DSC3: variants seen among roughly 807,000 people sequenced by gnomAD.
The protein encoded by DSC3 is desmocollin 3.
DSC3 carries 97 observed loss-of-function variants against 89.5 expected under a neutral mutation model. The observed-to-expected ratio is 1.08, with a 90% CI of 0.92 to 1.28. The LOEUF is 1.28. Ranked by LOEUF, DSC3 falls within the 50% of genes most tolerant of loss-of-function variation. The pLI is 0.00. For synonymous variants in DSC3, 436 were observed against 384.1 expected, an observed-to-expected ratio of 1.14 and a Z score of -1.58; for missense variants, 1,199 against 1,085.3, an observed-to-expected ratio of 1.10 and a Z score of -1.47.
At chr18:31,011,773 G>C (rs1598537389) in intron 9 of DSC3, among the ~76,000 whole-genome samples, 2 of 151,694 alleles carry the variant, frequency 1.3e-5, no homozygotes, top group Admixed American at 1.3e-4. Flanking sequence ...CGGGCGGATT[G>C]CCTGAGCTCA....
chr18:31,013,964 T>C (rs796780257), intron 9 of DSC3, among the ~76,000 whole-genome samples: 1 of 152,146 alleles, frequency 6.6e-6, no homozygotes, highest in African/African-American at 2.4e-5. Flanking sequence ...AAATTAGAAT[T>C]TCCATTGATA....
At chr18:31,007,875 T>G in intron 11 of DSC3, 141 bp downstream of exon 11, 2 of 802,700 alleles carry the variant, frequency 2.5e-6, no homozygotes, top group South Asian at 3.7e-5. Context: ...CCTTGTTAGA[T>G]AATTAAGAGA....
chr18:31,011,432 A>G (rs980143801), intron 9 of DSC3, among the ~76,000 whole-genome samples: 2 of 151,956 alleles, frequency 1.3e-5, no homozygotes, highest in African/African-American at 4.8e-5. Flanking sequence ...GGTTTGGCCT[A>G]CTGATTACTT....
intron 15 of DSC3, 27 bp downstream of exon 15, chr18:30,996,764 A>C (rs1325902290): frequency 1.2e-6 from 2 of 1,610,800 alleles, no homozygotes; most frequent in African/African-American, 2.7e-5. Context: ...TTTAAATTTT[A>C]GACTCAAAAC....
intron 11 of DSC3, 106 bp from the exon 12 acceptor site, chr18:31,007,237 C>A (rs1567952188): frequency 2.7e-6 from 2 of 752,942 alleles, no homozygotes; most frequent in African/African-American, 1.8e-5. Context: ...TTTAAATAAA[C>A]TGATTATTAA....
At chr18:30,995,159 C>A (rs540356567) in intron 15 of DSC3, among the ~76,000 whole-genome samples, 2 of 152,176 alleles carry the variant, frequency 1.3e-5, no homozygotes, top group Non-Finnish European at 2.9e-5. Flanking sequence ...ACTGCCATGT[C>A]TCCTCCCTTT....
At chr18:31,031,208 C>T in intron 2 of DSC3, 36 bp from the exon 3 acceptor site, 1 of 1,433,452 alleles carries the variant, frequency 7.0e-7, no homozygotes, top group Non-Finnish European at 9.6e-7. Context: ...AAGGTAAAAA[C>T]ACATGAGAAA....
intron 1 of DSC3, among the ~76,000 whole-genome samples, chr18:31,039,321 T>C (rs189913972): frequency 2.0e-5 from 3 of 152,290 alleles, no homozygotes; most frequent in Admixed American, 2.0e-4. Context: ...TTCACTTTCA[T>C]GCTGTTGTTT....
At chr18:30,997,967 G>A (rs1368809469) in intron 14 of DSC3, among the ~76,000 whole-genome samples, 1 of 152,136 alleles carries the variant, frequency 6.6e-6, no homozygotes, top group East Asian at 1.9e-4. Context: ...GTTGGGGGGA[G>A]TTAGAAAGGT....
intron 5 of DSC3, among the ~76,000 whole-genome samples, 197 bp downstream of exon 5, chr18:31,025,563 C>T (rs1423164462): frequency 6.6e-6 from 1 of 152,110 alleles, no homozygotes; most frequent in African/African-American, 2.4e-5. Flanking sequence ...CTCTTTGCTT[C>T]ATTTCAGGCT....
Position 31,032,276 on chromosome 18 carries a change from T to C in DSC3, c.70A>G (p.Ile24Val), listed in dbSNP as rs1305317964. Reference sequence around the variant, plus strand: ...CAGGCTTCACCAGCACGACTGAAGATCTAGAATTTAAAAGGTCACATTAAT... The same window carrying C: ...CAGGCTTCACCAGCACGACTGAAGACCTAGAATTTAAAAGGTCACATTAAT... ...VCLHLLLTLVIFSRAGEACKK... is the reference protein window; with the variant it reads ...VCLHLLLTLVVFSRAGEACKK... Residue 24 changes from isoleucine to valine, a missense_variant and splice_region_variant, in exon 2 of 16, where the codon ATC (isoleucine) becomes GTC (valine). Physicochemically the swap from Ile to Val is conservative, Grantham distance 29. Transcript: ENST00000360428. 6.2e-7 allele frequency: 1 copy of C among 1,608,998 alleles called. No individual in the cohort carries two copies. The highest frequency in any genetic ancestry group is 1.7e-5 in the Admixed American group (1 of 60,000).
Position 31,031,036 on chromosome 18 carries a change from C to T in DSC3, c.291G>A (p.Trp97Ter), listed in dbSNP as rs547290058. The change falls in exon 3 of 16, where the codon TGG becomes TGA. Residue 97 changes from tryptophan (W) to a stop codon, truncating the protein, a stop_gained. Coordinates refer to ENST00000360428, the MANE Select transcript of DSC3 (RefSeq NM_001941.5). LOFTEE classifies it high-confidence loss of function. ...LSDKKRSFTI[W>*]LSDKRKQTQK... The stretch of plus-strand genomic sequence containing the variant: ...GTGTCTGTTTCCTTTTGTCAGAAAG[C>T]CATATGGTAAATGATCTTTTCTTAT... The T allele has an allele frequency of 6.2e-7, 1 of 1,614,020 alleles. No homozygotes were observed. The highest frequency in any genetic ancestry group is 1.3e-5 in the African/African-American group (1 of 75,026).
chr18:31,006,763 A>G, intron 12 of DSC3, 144 bp downstream of exon 12: 1 of 680,502 alleles, frequency 1.5e-6, no homozygotes, highest in South Asian at 1.9e-5. Flanking sequence ...CCCATATAAT[A>G]TTTGTAAAAG....
intron 9 of DSC3, among the ~76,000 whole-genome samples, chr18:31,009,159 T>C (rs887601878): frequency 4.6e-5 from 7 of 152,128 alleles, no homozygotes; most frequent in Admixed American, 2.0e-4. Context: ...CAAGCGATTC[T>C]CCTGCCTCAG....
intron 11 of DSC3, among the ~76,000 whole-genome samples, chr18:31,007,553 G>T (rs1439160220): frequency 6.6e-6 from 1 of 152,054 alleles, no homozygotes; most frequent in African/African-American, 2.4e-5. Context: ...GATTCAGTTA[G>T]TCTAACAAAG....
chr18:31,027,012 GA>G (rs1985619746), intron 4 of DSC3, among the ~76,000 whole-genome samples: 1 of 152,154 alleles, frequency 6.6e-6, no homozygotes, highest in Non-Finnish European at 1.5e-5. Context: ...TACAAGAAAG[GA>G]ATAAACCTCT....
At chr18:31,017,356 A>C (rs931136381) in intron 9 of DSC3, among the ~76,000 whole-genome samples, 1 of 152,168 alleles carries the variant, frequency 6.6e-6, no homozygotes. Flanking sequence ...ATTCTTGTCC[A>C]CAGGACAATA....
rs201518630 is a variant in DSC3, at chr18:31,022,321, G to T, written c.942+15C>A. On this transcript the variant is annotated intron_variant, in intron 7 of 15. Coordinates refer to ENST00000360428, the MANE Select transcript of DSC3 (RefSeq NM_001941.5). ...ATCCTCAGCGAAATGAAATTCTATG[G>T]AGTGTGTGAGCTACCTCTCTGTCCA... 6.2e-7 allele frequency: 1 copy of T among 1,613,890 alleles called. No individual in the cohort carries two copies. Among genetic ancestry groups the T allele is most frequent in the African/African-American group, 1.3e-5 (1 of 75,014 alleles).
intron 12 of DSC3, 54 bp from the exon 13 acceptor site, chr18:31,004,420 G>A: frequency 6.6e-7 from 1 of 1,520,420 alleles, no homozygotes; most frequent in South Asian, 1.1e-5. Context: ...TCTTCCCTTA[G>A]CATTTGTTTC....
Sources: allele counts gnomAD v4.1 joint callset (sites outside exome capture counted in the v4.1 genomes callset), GRCh38; gene constraint gnomAD v4.1.1; transcripts MANE v1.5; gene names NCBI Gene and HGNC (gene_info 2026-07-23, HGNC 2026-07-21).